CDH6: variants seen among roughly 807,000 people sequenced by gnomAD.
The protein encoded by CDH6 is cadherin-6.
In CDH6, 31 loss-of-function variants were observed where a neutral mutation model predicts 78.0. The ratio of observed to expected loss-of-function variants is 0.40; its 90% CI spans 0.30 to 0.54. The LOEUF (loss-of-function observed/expected upper bound fraction) is 0.54. CDH6 is among the 20% of genes least tolerant of loss of function. CDH6 has a pLI of 0.56. For synonymous variants in CDH6, 376 were observed against 368.8 expected (o/e 1.02, Z -0.23); for missense variants, 724 against 975.9 (o/e 0.74, Z 3.44).
chr5:31,221,373 T>A (rs1741000118), intron 1 of CDH6, among the ~76,000 whole-genome samples: 1 of 152,214 alleles, frequency 6.6e-6, no homozygotes, highest in South Asian at 2.1e-4. Flanking sequence ...ATTTCAGTCA[T>A]CTGCAGTCAA....
At chr5:31,269,598 T>C (rs1211481015) in intron 2 of CDH6, among the ~76,000 whole-genome samples, 1 of 118,134 alleles carries the variant, frequency 8.5e-6, no homozygotes, top group African/African-American at 2.9e-5. Flanking sequence ...TTACTATTAT[T>C]GGTAAAAAAT....
intron 8 of CDH6, among the ~76,000 whole-genome samples, chr5:31,313,931 A>G (rs186553235): frequency 6.6e-6 from 1 of 152,290 alleles, no homozygotes; most frequent in East Asian, 1.9e-4. Flanking sequence ...AAGAGAGATA[A>G]ATTATCACTT....
At chr5:31,227,409 A>T (rs970038627) in intron 1 of CDH6, among the ~76,000 whole-genome samples, 3 of 152,222 alleles carry the variant, frequency 2.0e-5, no homozygotes, top group African/African-American at 7.2e-5. Context: ...CAAGTATAGA[A>T]GTACATTAAT....
At position 31,302,238 on chromosome 5, in the gene CDH6, G is replaced by GGAT. The variant is rs1737785545; in HGVS notation, c.940_942dup (p.Asp314dup). On this transcript the variant is annotated inframe_insertion, in exon 6 of 12. Coordinates refer to ENST00000265071, the MANE Select transcript of CDH6 (RefSeq NM_004932.4). ...ACAGCATCACAGACGGTGAGGGGCT[G>GGAT]GATATGTTTGATGTCATCACCGACC... 1 of 1,613,992 alleles carries GGAT rather than the reference G, an allele frequency of 6.2e-7. No homozygotes were observed. The highest frequency in any genetic ancestry group is 1.3e-5 in the African/African-American group (1 of 75,000).
At chr5:31,208,673 T>C (rs368331776) in intron 1 of CDH6, among the ~76,000 whole-genome samples, 1 of 152,360 alleles carries the variant, frequency 6.6e-6, no homozygotes, top group Admixed American at 6.5e-5. Flanking sequence ...TATCTTTTAG[T>C]TTGTTATCAA....
rs563033004 is a variant in CDH6 at position 31,263,719 on chromosome 5, C to T, written c.-128-3627C>T. Reference sequence around the variant, plus strand: ...CAATCATGTTTTAAAATCCCCACCTCTTAATACTGCCACATGGGGGATTAA... The same window carrying T: ...CAATCATGTTTTAAAATCCCCACCTTTTAATACTGCCACATGGGGGATTAA... On this transcript the variant is annotated intron_variant, in intron 1 of 11. Transcript: ENST00000265071. Among the ~76,000 whole-genome samples the T allele has an allele frequency of 3.3e-5, 5 of 152,262 alleles. No homozygotes were observed. In the East Asian group the frequency reaches 9.7e-4, roughly 29 times the overall value.
intron 1 of CDH6, among the ~76,000 whole-genome samples, chr5:31,233,193 CAG>C (rs1209100705): frequency 1.3e-5 from 2 of 151,412 alleles, no homozygotes; most frequent in African/African-American, 2.4e-5. Context: ...TATACACATA[CAG>C]AGAGTATATA....
chr5:31,269,849 T>C (rs1030229988), intron 2 of CDH6, among the ~76,000 whole-genome samples: 5 of 152,144 alleles, frequency 3.3e-5, no homozygotes, highest in Non-Finnish European at 2.9e-5. Context: ...CCCCTCCTTC[T>C]CCTCCTTGTA....
Position 31,267,645 on chromosome 5 carries a change from A to T in CDH6, c.172A>T (p.Asn58Tyr). Reference protein sequence around the residue: ...LNRSKRSWMWNQFFLLEEYTG... With the variant: ...LNRSKRSWMWYQFFLLEEYTG... Reference sequence around the variant, plus strand: ...CCGTTCAAAAAGGAGCTGGATGTGGAATCAGTTCTTTCTCCTGGAGGAATA... The same window carrying T: ...CCGTTCAAAAAGGAGCTGGATGTGGTATCAGTTCTTTCTCCTGGAGGAATA... The change falls in exon 2 of 12, where the codon AAT (asparagine) becomes TAT (tyrosine). Residue 58 changes from asparagine to tyrosine, a missense_variant. By Grantham distance (143) the Asn-to-Tyr change is moderately radical (BLOSUM62 -2). This residue lies in a region of CDH6 where 446 missense variants were observed against 684.5 expected (regional missense o/e 0.65). Transcript: ENST00000265071. 1 of 1,614,144 alleles carries T rather than the reference A, an allele frequency of 6.2e-7. No individual in the cohort carries two copies. The highest frequency in any genetic ancestry group is 2.2e-5 in the East Asian group (1 of 44,876).
intron 2 of CDH6, 79 bp from the exon 3 acceptor site, chr5:31,293,883 G>A: frequency 1.1e-6 from 1 of 887,818 alleles, no homozygotes; most frequent in Non-Finnish European, 1.7e-6. Context: ...AGTTAATGTA[G>A]CATGCACCAA....
chr5:31,318,327 T>C (rs1306588114), intron 11 of CDH6: 1 of 355,718 alleles, frequency 2.8e-6, no homozygotes, highest in Non-Finnish European at 5.1e-6. Context: ...AGTTTAAAGA[T>C]CTATGGGAAA....
chr5:31,273,743 A>AT (rs1333063178), intron 2 of CDH6, among the ~76,000 whole-genome samples: 1 of 141,690 alleles, frequency 7.1e-6, no homozygotes. Flanking sequence ...AGAAAAAAAA[A>AT]TTTTTTTAAA....
intron 1 of CDH6, among the ~76,000 whole-genome samples, chr5:31,204,642 G>A (rs1740463143): frequency 6.6e-6 from 1 of 152,066 alleles, no homozygotes; most frequent in African/African-American, 2.4e-5. Flanking sequence ...AACCAAAATG[G>A]ATTTTTAAAT....
chr5:31,291,239 G>C (rs554857135), intron 2 of CDH6, among the ~76,000 whole-genome samples: 2 of 151,936 alleles, frequency 1.3e-5, no homozygotes, highest in African/African-American at 4.8e-5. Context: ...TTTTACCTTA[G>C]AGATACCATG....
intron 1 of CDH6, among the ~76,000 whole-genome samples, chr5:31,256,655 G>A (rs1424242811): frequency 6.6e-6 from 1 of 152,040 alleles, no homozygotes; most frequent in Non-Finnish European, 1.5e-5. Flanking sequence ...TTGGAGTTTG[G>A]AAGAAAAAGG....
intron 3 of CDH6, among the ~76,000 whole-genome samples, chr5:31,295,632 C>T (rs751848897): frequency 9.9e-5 from 15 of 152,124 alleles, no homozygotes; most frequent in Non-Finnish European, 1.5e-4. Flanking sequence ...AAGGCATCTT[C>T]GAGAAATTAC....
chr5:31,195,439 G>T (rs182170905), intron 1 of CDH6, among the ~76,000 whole-genome samples: 27 of 152,198 alleles, frequency 1.8e-4, no homozygotes, highest in Non-Finnish European at 1.6e-4. Flanking sequence ...TTCTTTTCTT[G>T]CTGAAAGCTT....
At position 31,313,434 on chromosome 5, in the gene CDH6, C is replaced by T; in HGVS notation, c.1370C>T (p.Thr457Ile). The change falls in exon 8 of 12, where the codon ACA becomes ATA. Residue 457 changes from threonine (T) to isoleucine (I), a missense_variant. By Grantham distance (89) the Thr-to-Ile change is moderately conservative. This residue lies in a region of CDH6 where 446 missense variants were observed against 684.5 expected (regional missense o/e 0.65). Coordinates refer to ENST00000265071, the MANE Select transcript of CDH6 (RefSeq NM_004932.4). ...GAAACACTGCTATGGCACAACATTA[C>T]AGTGATAGCAACAGAGATCAGTAAG... ...DRETLLWHNI[T>I]VIATEINNPK... is the part of the protein sequence containing the mutation. 6.2e-7 allele frequency: 1 copy of T among 1,613,988 alleles called. No homozygotes were observed. The highest frequency in any genetic ancestry group is 8.5e-7 in the Non-Finnish European group (1 of 1,179,912).
chr5:31,318,011 A>C, intron 11 of CDH6, 87 bp downstream of exon 11: 2 of 1,462,024 alleles, frequency 1.4e-6, no homozygotes, highest in Non-Finnish European at 1.9e-6. Context: ...TGCCTCCCCC[A>C]TTAAGGCATA....
Sources: gnomAD v4.1 joint callset for allele counts (sites outside exome capture counted in the v4.1 genomes callset) on GRCh38, gnomAD v4.1.1 for gene constraint, gnomAD v4.1.1 regional missense constraint, MANE v1.5 for transcripts, NCBI Gene and HGNC (gene_info 2026-07-23, HGNC 2026-07-21) for gene names.